Variants in FGD1 observed in about 807,000 individuals in gnomAD.
FGD1 encodes the protein FYVE, RhoGEF and PH domain-containing protein 1.
A neutral mutation model predicts 65.0 loss-of-function variants in FGD1; 12 were observed. That is an observed-to-expected ratio of 0.18 (90% CI 0.12 to 0.30). The LOEUF (loss-of-function observed/expected upper bound fraction) is 0.30. Among genes scored for constraint, FGD1 ranks in the 10% least tolerant of loss-of-function variants. The pLI is 1.00. For missense variants in FGD1, 542 were observed against 837.6 expected (o/e 0.65, Z 4.36); for synonymous variants, 333 against 343.9 (o/e 0.97, Z 0.35).
chrX:54,492,066 C>T (rs1226809545), intron 1 of FGD1, among the ~76,000 whole-genome samples: 2 of 111,136 alleles, frequency 1.8e-5, no homozygotes, highest in Non-Finnish European at 3.8e-5. Flanking sequence ...ACCATCTCTG[C>T]AAACCCCTGC....
intron 1 of FGD1, among the ~76,000 whole-genome samples, chrX:54,485,244 C>T (rs745327146): frequency 1.5e-4 from 17 of 111,220 alleles, no homozygotes; most frequent in Non-Finnish European, 2.6e-4. Context: ...CCCCAGCAGA[C>T]CCCACGATCC....
chrX:54,496,137 C>T lies in FGD1; in HGVS notation c.-705G>A. ...CGTCCTCCCCAGCTTCAGCCTGGGTCTCGGCGGCGGCGGGCGGGAAGGAGC... is the reference window on the plus strand; with the variant it reads ...CGTCCTCCCCAGCTTCAGCCTGGGTTTCGGCGGCGGCGGGCGGGAAGGAGC... On this transcript the variant is annotated 5_prime_UTR_variant, in exon 1 of 18. Coordinates refer to ENST00000375135, the MANE Select transcript of FGD1 (RefSeq NM_004463.3). 1 of 107,730 alleles carries T rather than the reference C, an allele frequency of 9.3e-6. No homozygotes were observed. The allele number at this position is 107,730 out of a possible 1,213,427, so 8.9% of individuals were successfully genotyped here.
chrX:54,487,724 C>T (rs1311156029), intron 1 of FGD1, among the ~76,000 whole-genome samples: 6 of 111,330 alleles, frequency 5.4e-5, no homozygotes, highest in South Asian at 3.7e-4. Flanking sequence ...CCGAGGCAGG[C>T]GGATCACCTG....
chrX:54,467,999 A>G (rs1190965535), intron 5 of FGD1, 67 bp from the exon 6 acceptor site: 2 of 1,029,948 alleles, frequency 1.9e-6, no homozygotes, highest in African/African-American at 3.8e-5. Context: ...GGGTGAGGGC[A>G]GTATTTGTGG....
Position 54,465,734 on chromosome X carries a change from G to A in FGD1, c.1459C>T (p.Arg487Cys), listed in dbSNP as rs1922744221. 1.7e-6 allele frequency: 2 copies of A among 1,209,028 alleles called. No homozygotes were observed. Among genetic ancestry groups the A allele is most frequent in the Non-Finnish European group, 2.2e-6 (2 of 895,025 alleles). ...AVELVNTWTE[R>C]STQFKVIIHE... ...ATGATGACTTTAAACTGGGTGGAGC[G>A]CTCTGTCCAGGTGTTGACCAGCTCC... The change falls in exon 7 of 18, where the codon CGC becomes TGC. Residue 487 changes from arginine (R) to cysteine (C), a missense_variant. Around this residue, in one of 6 missense-constraint regions of FGD1, gnomAD observed 41 missense variants for 109.5 expected, o/e 0.37. Transcript: ENST00000375135.
intron 12 of FGD1, among the ~76,000 whole-genome samples, chrX:54,454,376 G>A (rs780359625): frequency 2.7e-5 from 3 of 111,997 alleles, no homozygotes; most frequent in Non-Finnish European, 3.8e-5. Context: ...AAAGACAGGC[G>A]TAGTGACTCA....
At position 54,470,603 on chromosome X, in the gene FGD1, T is replaced by C. The variant is rs144754887; in HGVS notation, c.639A>G (p.Ser213=). Reference sequence around the variant, plus strand: ...CTCACCTTTCAAACTTCTCAATCAGTGAGGATACTGCTGCAGAACTGGGGC... The same window carrying C: ...CTCACCTTTCAAACTTCTCAATCAGCGAGGATACTGCTGCAGAACTGGGGC... ...EASPSSAAVS[S]LIEKFEREPV... is the part of the protein sequence containing the mutation. The change falls in exon 3 of 18, where the codon TCA becomes TCG. Residue 213 remains serine, a synonymous_variant. Transcript: ENST00000375135. The C allele has an allele frequency of 1.7e-6, 2 of 1,202,546 alleles. No homozygotes were observed. Among genetic ancestry groups the C allele is most frequent in the African/African-American group, 3.6e-5 (2 of 55,452 alleles).
rs746586922 is a variant in FGD1, at chrX:54,495,201, G to A, written c.232C>T (p.Pro78Ser). 12 of 1,187,741 alleles carry A rather than the reference G, an allele frequency of 1.0e-5. No individual in the cohort carries two copies. The highest frequency in any genetic ancestry group is 1.4e-5 in the Non-Finnish European group (12 of 884,590). ...LGAAPGHRVLPCGPSPQHHRA... is the reference protein window; with the variant it reads ...LGAAPGHRVLSCGPSPQHHRA... ...TGGTGCTGTGGACTGGGACCGCAGG[G>A]CAAGACCCGGTGGCCTGGAGCAGCG... The change falls in exon 1 of 18, where the codon CCC becomes TCC. Residue 78 changes from proline to serine, a missense_variant. By Grantham distance (74) the Pro-to-Ser change is moderately conservative (BLOSUM62 -1). Around this residue, in one of 6 missense-constraint regions of FGD1, gnomAD observed 297 missense variants for 326.8 expected, o/e 0.91. Coordinates refer to ENST00000375135, the MANE Select transcript of FGD1 (RefSeq NM_004463.3).
intron 6 of FGD1, 130 bp from the exon 7 acceptor site, chrX:54,465,982 T>A (rs1324998400): frequency 9.0e-6 from 7 of 779,009 alleles, no homozygotes; most frequent in Non-Finnish European, 1.3e-5. Context: ...GCTAGTCTGC[T>A]CCTTCAGAAA....
intron 1 of FGD1, among the ~76,000 whole-genome samples, chrX:54,477,917 A>G (rs1312537112): frequency 9.1e-6 from 1 of 109,481 alleles, no homozygotes; most frequent in East Asian, 2.9e-4. Flanking sequence ...CAGGAGTTCG[A>G]GACCAGCCTG....
At chrX:54,473,527 G>A (rs759807025) in intron 1 of FGD1, among the ~76,000 whole-genome samples, 3 of 111,926 alleles carry the variant, frequency 2.7e-5, no homozygotes, top group Non-Finnish European at 3.8e-5. Context: ...TTGCATCCTC[G>A]GCCTCTGCAT....
intron 1 of FGD1, among the ~76,000 whole-genome samples, chrX:54,491,545 G>A (rs1923412495): frequency 8.9e-6 from 1 of 111,858 alleles, no homozygotes; most frequent in South Asian, 3.7e-4. Context: ...TGGCCCTAAT[G>A]ATGCTGACTC....
chrX:54,478,931 A>G (rs1923080882), intron 1 of FGD1, among the ~76,000 whole-genome samples: 1 of 111,996 alleles, frequency 8.9e-6, no homozygotes, highest in Non-Finnish European at 1.9e-5. Flanking sequence ...AGATCAGGGC[A>G]GGATTCCTAT....
rs760630344 is a variant in FGD1 at position 54,449,313 on chromosome X, G to A, written c.2149-45C>T. 12 of 1,200,045 alleles carry A rather than the reference G, an allele frequency of 1.0e-5. No individual in the cohort carries two copies. The South Asian group carries it at 2.2e-4, about 22-fold the overall frequency. Reference sequence around the variant, plus strand: ...TCAGGTCAGAGACAGCTACTCCCCAGCCCAGTCCAGCCAGCCCTTGTTCCT... The same window carrying A: ...TCAGGTCAGAGACAGCTACTCCCCAACCCAGTCCAGCCAGCCCTTGTTCCT... On this transcript the variant is annotated intron_variant, in intron 14 of 17. Coordinates refer to ENST00000375135, the MANE Select transcript of FGD1 (RefSeq NM_004463.3).
chrX:54,450,746 C>G (rs1007070487), intron 12 of FGD1, among the ~76,000 whole-genome samples: 1 of 111,051 alleles, frequency 9.0e-6, no homozygotes, highest in African/African-American at 3.3e-5. Context: ...TAAAAGAAAC[C>G]GTGTCAATAA....
intron 1 of FGD1, among the ~76,000 whole-genome samples, chrX:54,473,962 C>T (rs1207993407): frequency 2.8e-5 from 3 of 108,484 alleles, no homozygotes; most frequent in Non-Finnish European, 3.8e-5. Flanking sequence ...CCAGCCTGGG[C>T]GACAGAGACT....
chrX:54,461,142 G>T (rs763988368), intron 8 of FGD1, among the ~76,000 whole-genome samples: 1 of 111,432 alleles, frequency 9.0e-6, no homozygotes, highest in Non-Finnish European at 1.9e-5. Context: ...GGGATGTTAC[G>T]TTGGGGATCC....
chrX:54,446,984 A>C (rs1922218428), intron 17 of FGD1, among the ~76,000 whole-genome samples: 1 of 111,019 alleles, frequency 9.0e-6, no homozygotes, highest in African/African-American at 3.3e-5. Flanking sequence ...TCGGCCTCTC[A>C]GAGTGCTGGG....
intron 8 of FGD1, among the ~76,000 whole-genome samples, chrX:54,456,822 G>A (rs1403823286): frequency 3.6e-5 from 4 of 110,058 alleles, no homozygotes; most frequent in East Asian, 5.8e-4. Context: ...TAGTAGAGAC[G>A]GGGCTTCACT....
Sources: gnomAD v4.1 joint callset for allele counts (sites outside exome capture counted in the v4.1 genomes callset) on GRCh38, gnomAD v4.1.1 for gene constraint, gnomAD v4.1.1 regional missense constraint, MANE v1.5 for transcripts, NCBI Gene and HGNC (gene_info 2026-07-23, HGNC 2026-07-21) for gene names.